Variants in SHISA9 observed in about 807,000 individuals in gnomAD.
SHISA9 encodes the protein protein shisa-9.
In SHISA9, 13 loss-of-function variants were observed where a neutral mutation model predicts 38.0. The observed-to-expected ratio is 0.34, with a 90% CI of 0.22 to 0.54. SHISA9 has a LOEUF of 0.54. Ranked by LOEUF, SHISA9 falls within the 20% of genes least tolerant of loss-of-function variation. The pLI, the probability that SHISA9 is intolerant of heterozygous loss-of-function variation, is 0.91. For synonymous variants in SHISA9, 275 were observed against 242.0 expected (o/e 1.14, Z -1.27); for missense variants, 538 against 575.8 (o/e 0.93, Z 0.67).
chr16:13,093,986 AC>A (rs2141950836), intron 2 of SHISA9, among the ~76,000 whole-genome samples: 1 of 151,796 alleles, frequency 6.6e-6, no homozygotes, highest in East Asian at 1.9e-4. Context: ...CGTCCCAGCC[AC>A]CCCCACTGAA....
the SHISA9 span, among the ~76,000 whole-genome samples, chr16:13,383,438 G>T: frequency 1.3e-5 from 2 of 152,192 alleles, no homozygotes; most frequent in Non-Finnish European, 2.9e-5. Context: ...ATAGTATTCT[G>T]CCATTTATGG....
the SHISA9 span, among the ~76,000 whole-genome samples, chr16:13,498,247 A>AT: frequency 6.6e-6 from 1 of 152,140 alleles, no homozygotes; most frequent in African/African-American, 2.4e-5. Flanking sequence ...ATAAACAAAA[A>AT]TTTTTTTAAA....
chr16:13,139,526 A>G (rs1200034568), intron 2 of SHISA9, among the ~76,000 whole-genome samples: 1 of 150,330 alleles, frequency 6.7e-6, no homozygotes, highest in Non-Finnish European at 1.5e-5. Flanking sequence ...CTTTATCGGT[A>G]AAGTAGAACC....
chr16:12,996,357 G>A (rs1281623455), intron 2 of SHISA9, among the ~76,000 whole-genome samples: 1 of 152,208 alleles, frequency 6.6e-6, no homozygotes, highest in African/African-American at 2.4e-5. Flanking sequence ...ACCATCAGCT[G>A]GAGGTGAGTA....
At chr16:13,540,296 A>G in the SHISA9 span, among the ~76,000 whole-genome samples, 2 of 151,998 alleles carry the variant, frequency 1.3e-5, no homozygotes, top group African/African-American at 4.8e-5. Flanking sequence ...ATGCAGACCA[A>G]CCTAATTTGC....
the SHISA9 span, among the ~76,000 whole-genome samples, chr16:13,431,202 C>T: frequency 0.015 from 2,308 of 152,302 alleles, 74 homozygotes; most frequent in African/African-American, 0.053. Context: ...ACAAAACCTT[C>T]ACTGCTTAGG....
At chr16:13,425,320 C>T in the SHISA9 span, among the ~76,000 whole-genome samples, 36 of 152,182 alleles carry the variant, frequency 2.4e-4, no homozygotes, top group Non-Finnish European at 4.6e-4. Context: ...AACCCCATCT[C>T]TCCTAAAAAT....
intron 2 of SHISA9, among the ~76,000 whole-genome samples, chr16:13,094,666 C>T (rs924514889): frequency 6.6e-5 from 10 of 152,132 alleles, no homozygotes; most frequent in Admixed American, 2.6e-4. Context: ...AATATATTTT[C>T]CCCATTGAAG....
chr16:13,436,802 C>CGTATTGTTT, the SHISA9 span, among the ~76,000 whole-genome samples: 2 of 152,108 alleles, frequency 1.3e-5, no homozygotes, highest in Admixed American at 6.5e-5. Context: ...AGTTGAGTCA[C>CGTATTGTTT]GTATTGTTTG....
At chr16:13,364,548 T>C in the SHISA9 span, among the ~76,000 whole-genome samples, 1 of 152,202 alleles carries the variant, frequency 6.6e-6, no homozygotes, top group Non-Finnish European at 1.5e-5. Context: ...ATATACCATA[T>C]AGACAATATT....
At chr16:13,000,559 A>G (rs1160395284) in intron 2 of SHISA9, among the ~76,000 whole-genome samples, 2 of 152,128 alleles carry the variant, frequency 1.3e-5, no homozygotes, top group African/African-American at 2.4e-5. Context: ...TGTCTGGACA[A>G]GGTGGCTCCA....
chr16:13,344,615 C>A, the SHISA9 span, among the ~76,000 whole-genome samples: 2 of 152,164 alleles, frequency 1.3e-5, no homozygotes, highest in African/African-American at 4.8e-5. Flanking sequence ...TAGAAACTAT[C>A]ATAGTGGCAA....
At chr16:13,254,299 C>G in the SHISA9 span, among the ~76,000 whole-genome samples, 11 of 152,326 alleles carry the variant, frequency 7.2e-5, no homozygotes, top group East Asian at 5.8e-4. Context: ...AGACTCAAGT[C>G]TATCATCTGG....
At chr16:13,179,646 G>A (rs991814148) in intron 2 of SHISA9, among the ~76,000 whole-genome samples, 2 of 152,170 alleles carry the variant, frequency 1.3e-5, no homozygotes, top group South Asian at 4.1e-4. Context: ...TGGTCCCCTG[G>A]GAATGACAGT....
intron 2 of SHISA9, among the ~76,000 whole-genome samples, chr16:12,933,642 A>G (rs559478931): frequency 3.0e-4 from 45 of 152,328 alleles, no homozygotes; most frequent in African/African-American, 1.1e-3. Context: ...CATAGTTGAT[A>G]TAACAAAGGG....
chr16:13,551,452 T>TAC, the SHISA9 span, among the ~76,000 whole-genome samples: 1 of 152,190 alleles, frequency 6.6e-6, no homozygotes, highest in Non-Finnish European at 1.5e-5. Context: ...TTCACATACA[T>TAC]ATATCTTACA....
the SHISA9 span, among the ~76,000 whole-genome samples, chr16:13,369,389 G>C: frequency 5.3e-5 from 8 of 152,114 alleles, no homozygotes; most frequent in African/African-American, 1.7e-4. Flanking sequence ...TTTATTAAAT[G>C]AATCTATATT....
chr16:13,260,544 A>C, the SHISA9 span, among the ~76,000 whole-genome samples: 16 of 152,202 alleles, frequency 1.1e-4, no homozygotes, highest in East Asian at 1.2e-3. Context: ...AAACATAACA[A>C]ATGTCACCTT....
At chr16:12,912,768 C>T (rs865838043) in intron 1 of SHISA9, among the ~76,000 whole-genome samples, 3 of 152,174 alleles carry the variant, frequency 2.0e-5, no homozygotes, top group Admixed American at 6.5e-5. Context: ...AGTGAGTTCA[C>T]GTGGGCAGTA....
Sources: allele counts gnomAD v4.1 joint callset (sites outside exome capture counted in the v4.1 genomes callset), GRCh38; gene constraint gnomAD v4.1.1; transcripts MANE v1.5; gene names NCBI Gene and HGNC (gene_info 2026-07-23, HGNC 2026-07-21).